DNAH8: variants seen among roughly 807,000 people sequenced by gnomAD.
DNAH8 encodes dynein axonemal heavy chain 8.
A neutral mutation model predicts 562.1 loss-of-function variants in DNAH8; 382 were observed. The ratio of observed to expected loss-of-function variants is 0.68; its 90% CI spans 0.63 to 0.74. DNAH8 has a LOEUF of 0.74. Ranked by LOEUF, DNAH8 falls within the 30% of genes least tolerant of loss-of-function variation. The probability of loss-of-function intolerance (pLI) is 0.00; values close to 1 mark genes in which losing one functional copy is unlikely to be tolerated. For synonymous variants in DNAH8, 1,881 were observed against 1,919.4 expected (o/e 0.98, Z 0.52); for missense variants, 5,203 against 5,620.4 (o/e 0.93, Z 2.37).
At chr6:38,954,149 GCA>G (rs1477585558) in intron 82 of DNAH8, among the ~76,000 whole-genome samples, 1 of 152,176 alleles carries the variant, frequency 6.6e-6, no homozygotes, top group African/African-American at 2.4e-5. Flanking sequence ...GATAAACTCT[GCA>G]CAGAGTACTG....
rs17336804 is a variant in DNAH8, at chr6:38,983,388, G to A, written c.12952-818G>A. Among the ~76,000 whole-genome samples the A allele has an allele frequency of 9.8e-3, 1,488 of 152,210 alleles. 13 individuals are homozygous for A. The highest frequency in any genetic ancestry group is 0.015 in the Non-Finnish European group (996 of 68,024). On this transcript the variant is annotated intron_variant, in intron 86 of 92. Coordinates refer to ENST00000327475, the MANE Select transcript of DNAH8 (RefSeq NM_001206927.2). ...TGAGTGTTTACTCTAGTACCAAACC[G>A]TCATTTTTCCTTGAAATGACAAAGG...
chr6:38,813,523 TA>T (rs1313248866), intron 24 of DNAH8, among the ~76,000 whole-genome samples: 2 of 152,076 alleles, frequency 1.3e-5, no homozygotes, highest in Non-Finnish European at 2.9e-5. Flanking sequence ...TTGCCTGGGA[TA>T]GGGGTGGAGG....
intron 88 of DNAH8, among the ~76,000 whole-genome samples, chr6:39,000,135 T>G (rs1765391077): frequency 6.6e-6 from 1 of 152,202 alleles, no homozygotes; most frequent in African/African-American, 2.4e-5. Context: ...GTTGAGAACT[T>G]ACTGTCTGGC....
At chr6:38,781,773 G>A (rs1240937172) in intron 16 of DNAH8, among the ~76,000 whole-genome samples, 1 of 152,156 alleles carries the variant, frequency 6.6e-6, no homozygotes, top group Admixed American at 6.5e-5. Context: ...GCCAAAGAGT[G>A]TATTCCTGTA....
chr6:38,921,652 A>AT, intron 71 of DNAH8, 146 bp downstream of exon 71: 3 of 984,396 alleles, frequency 3.0e-6, no homozygotes, highest in Middle Eastern at 3.2e-4. Context: ...GCTCAAAATT[A>AT]TTTTTTGTGT....
At chr6:39,007,895 C>T (rs1227591727) in intron 88 of DNAH8, among the ~76,000 whole-genome samples, 1 of 151,642 alleles carries the variant, frequency 6.6e-6, no homozygotes, top group Non-Finnish European at 1.5e-5. Flanking sequence ...ACCTCTGGCA[C>T]ACAAACACAT....
intron 53 of DNAH8, among the ~76,000 whole-genome samples, chr6:38,880,273 CA>C (rs1778370551): frequency 6.6e-6 from 1 of 151,326 alleles, no homozygotes; most frequent in South Asian, 2.1e-4. Context: ...AAATAGAATC[CA>C]AAAAAAGAAT....
intron 80 of DNAH8, among the ~76,000 whole-genome samples, chr6:38,947,192 C>T (rs929692936): frequency 2.6e-5 from 4 of 152,186 alleles, no homozygotes; most frequent in African/African-American, 7.2e-5. Flanking sequence ...ATTTCTCTCC[C>T]ACTCCTCTTA....
chr6:38,811,377 G>A (rs529422124), intron 24 of DNAH8, among the ~76,000 whole-genome samples: 1 of 152,258 alleles, frequency 6.6e-6, no homozygotes, highest in Non-Finnish European at 1.5e-5. Flanking sequence ...TTCATATGTT[G>A]GGGCTTCTCA....
chr6:38,790,215 G>C, intron 19 of DNAH8, 74 bp from the exon 20 acceptor site: 1 of 807,878 alleles, frequency 1.2e-6, no homozygotes, highest in Non-Finnish European at 2.1e-6. Context: ...AATATTTGTA[G>C]GTGATAAATC....
intron 79 of DNAH8, among the ~76,000 whole-genome samples, chr6:38,942,842 C>G (rs975781925): frequency 9.8e-5 from 15 of 152,332 alleles, no homozygotes; most frequent in Admixed American, 9.1e-4. Context: ...CCTCTCCCAC[C>G]TACCAACCAG....
chr6:38,754,032 G>A (rs1765701383), intron 9 of DNAH8, among the ~76,000 whole-genome samples: 3 of 152,102 alleles, frequency 2.0e-5, no homozygotes, highest in Admixed American at 2.0e-4. Context: ...TGTCATTTGG[G>A]TAGGAAAAGT....
At chr6:38,958,882 T>C (rs142828414) in intron 82 of DNAH8, among the ~76,000 whole-genome samples, 120 of 152,210 alleles carry the variant, frequency 7.9e-4, no homozygotes, top group African/African-American at 2.8e-3. Flanking sequence ...AACATAGATG[T>C]AAAATCCTCA....
Position 38,990,085 on chromosome 6 carries a change from C to T in DNAH8, c.13127C>T (p.Thr4376Ile), listed in dbSNP as rs1424312828. ...GGATATAAAATCCCCTTATGCAAAA[C>T]CTTAGACCAGTATTTTGAATACATC... ...YTGYKIPLCK[T>I]LDQYFEYIQS... Residue 4376 changes from threonine (T) to isoleucine (I), a missense_variant, in exon 88 of 93, where the codon ACC becomes ATC. Thr to Ile is a moderately conservative substitution (Grantham distance 89, BLOSUM62 -1). Transcript: ENST00000327475. The T allele has an allele frequency of 1.3e-6, 2 of 1,598,156 alleles. No individual in the cohort carries two copies. Among genetic ancestry groups the T allele is most frequent in the East Asian group, 2.2e-5 (1 of 44,788 alleles).
In DNAH8 at chr6:38,885,071, G is replaced by C. The variant is rs954995232; in HGVS notation, c.8259+1073G>C. ...AAAACCAAACAGTTCTGTATGGCCT[G>C]CGTCTGCTCCAAGGCAGATAGACCT... On this transcript the variant is annotated intron_variant, in intron 56 of 92. Coordinates refer to ENST00000327475, the MANE Select transcript of DNAH8 (RefSeq NM_001206927.2). Among the ~76,000 whole-genome samples, 4 of 152,202 alleles carry C rather than the reference G, an allele frequency of 2.6e-5. No individual in the cohort carries two copies. The South Asian group carries it at 8.3e-4, about 32-fold the overall frequency.
intron 59 of DNAH8, among the ~76,000 whole-genome samples, chr6:38,895,264 G>T (rs941534011): frequency 2.6e-5 from 4 of 152,058 alleles, no homozygotes; most frequent in African/African-American, 9.7e-5. Context: ...TACCTACTAG[G>T]ATAAGTAGAG....
intron 12 of DNAH8, among the ~76,000 whole-genome samples, chr6:38,772,055 GTTTTGCTC>G (rs1183861906): frequency 1.6e-4 from 23 of 144,396 alleles, no homozygotes; most frequent in South Asian, 6.5e-4. Context: ...TTGAGACGGA[GTTTTGCTC>G]TTTCGCCCAG....
At chr6:38,716,236 C>T (rs1762334283) in intron 1 of DNAH8, among the ~76,000 whole-genome samples, 1 of 151,564 alleles carries the variant, frequency 6.6e-6, no homozygotes, top group Admixed American at 6.6e-5. Flanking sequence ...GCTGGGATTA[C>T]AGGCATGAGC....
intron 28 of DNAH8, 32 bp from the exon 29 acceptor site, chr6:38,826,124 A>G (rs2150342846): frequency 6.9e-7 from 1 of 1,443,720 alleles, no homozygotes; most frequent in East Asian, 2.3e-5. Context: ...TGCCAGTTAT[A>G]TTCTAATTTA....
Sources: gnomAD v4.1 joint callset for allele counts (sites outside exome capture counted in the v4.1 genomes callset) on GRCh38, gnomAD v4.1.1 for gene constraint, MANE v1.5 for transcripts, NCBI Gene and HGNC (gene_info 2026-07-23, HGNC 2026-07-21) for gene names.